DCBLD2: variants seen among roughly 807,000 people sequenced by gnomAD.
DCBLD2 encodes discoidin, CUB and LCCL domain containing 2.
In DCBLD2, 54 loss-of-function variants were observed where a neutral mutation model predicts 86.8. That is an observed-to-expected ratio of 0.62 (90% CI 0.50 to 0.78). DCBLD2 has a LOEUF of 0.78. DCBLD2 is among the 30% of genes least tolerant of loss of function. The pLI is 0.00. For missense variants in DCBLD2, 908 were observed against 954.2 expected (o/e 0.95, Z 0.64); for synonymous variants, 354 against 341.3 (o/e 1.04, Z -0.41).
At chr3:98,812,278 C>T (rs1668962852) in intron 10 of DCBLD2, 54 bp downstream of exon 10, 2 of 1,598,056 alleles carry the variant, frequency 1.3e-6, no homozygotes, top group South Asian at 2.3e-5. Context: ...ACAGCAAAAC[C>T]ATTTTAAATT....
At chr3:98,826,291 TCTTGTGTGTACCTGC>T (rs1468122843) in intron 3 of DCBLD2, among the ~76,000 whole-genome samples, 2 of 152,204 alleles carry the variant, frequency 1.3e-5, no homozygotes, top group Non-Finnish European at 2.9e-5. Context: ...TACTCTGCAG[TCTTGTGTGTACCTGC>T]CTTGGCTTCT....
intron 2 of DCBLD2, among the ~76,000 whole-genome samples, chr3:98,860,162 G>A (rs1022671297): frequency 6.6e-6 from 1 of 152,160 alleles, no homozygotes. Flanking sequence ...AGCCAGAAGA[G>A]AAATTTGGAG....
In DCBLD2 at chr3:98,829,153, ATTAT is replaced by A. The variant is rs199899437; in HGVS notation, c.572-3791_572-3788del. On this transcript the variant is annotated intron_variant, in intron 3 of 15. Transcript: ENST00000326840. ...AATGAATTGTATATACAGATATTTT[ATTAT>A]TTAATTTCAACTTTTATTTTAGATA... Among the ~76,000 whole-genome samples the A allele has an allele frequency of 7.7e-3, 1,173 of 152,262 alleles. 24 individuals carry two copies. Among genetic ancestry groups the A allele is most frequent in the African/African-American group, 0.027 (1,119 of 41,546 alleles).
At chr3:98,843,939 G>T (rs1408569273) in intron 3 of DCBLD2, among the ~76,000 whole-genome samples, 1 of 151,900 alleles carries the variant, frequency 6.6e-6, no homozygotes, top group Admixed American at 6.6e-5. Context: ...TCGAGTTGGT[G>T]AAATCTAAAG....
At chr3:98,839,439 C>T (rs868496748) in intron 3 of DCBLD2, among the ~76,000 whole-genome samples, 2 of 151,998 alleles carry the variant, frequency 1.3e-5, no homozygotes, top group Middle Eastern at 3.2e-3. Context: ...GGCCAACCCC[C>T]CTGAATTGTA....
At chr3:98,835,092 C>T (rs1375396672) in intron 3 of DCBLD2, among the ~76,000 whole-genome samples, 1 of 141,056 alleles carries the variant, frequency 7.1e-6, no homozygotes, top group African/African-American at 2.5e-5. Context: ...CCTGCCTCAG[C>T]CTCCCAGGTA....
chr3:98,854,331 G>A (rs570382472), intron 2 of DCBLD2, among the ~76,000 whole-genome samples: 5 of 152,146 alleles, frequency 3.3e-5, no homozygotes, highest in Admixed American at 2.6e-4. Flanking sequence ...AGAGTGAGGT[G>A]GAGATGTACA....
chr3:98,801,542 C>A, intron 14 of DCBLD2, 58 bp downstream of exon 14: 10 of 1,420,182 alleles, frequency 7.0e-6, no homozygotes, highest in Non-Finnish European at 9.8e-6. Flanking sequence ...ACTACTGCCC[C>A]CTGTAGGGGA....
intron 2 of DCBLD2, among the ~76,000 whole-genome samples, chr3:98,867,721 T>G (rs1943179830): frequency 6.6e-6 from 1 of 151,784 alleles, no homozygotes; most frequent in South Asian, 2.1e-4. Flanking sequence ...GTCATCAGAC[T>G]TCTCAAAAAA....
At chr3:98,838,690 G>C (rs1293535226) in intron 3 of DCBLD2, among the ~76,000 whole-genome samples, 1 of 152,100 alleles carries the variant, frequency 6.6e-6, no homozygotes, top group African/African-American at 2.4e-5. Context: ...GGAGGCCAAG[G>C]CAGGCGGCTG....
chr3:98,831,336 C>T (rs1013615702), intron 3 of DCBLD2, among the ~76,000 whole-genome samples: 1 of 152,022 alleles, frequency 6.6e-6, no homozygotes, highest in Admixed American at 6.6e-5. Flanking sequence ...CAGGCATGAG[C>T]TACCGCTCTT....
At position 98,842,091 on chromosome 3, in the gene DCBLD2, C is replaced by T. The variant is rs9869822; in HGVS notation, c.571+7370G>A. On this transcript the variant is annotated intron_variant, in intron 3 of 15. Transcript: ENST00000326840. ...AAAAAGAAAGCACAGAAGTACTGTT[C>T]CAAAGTTACTGTATTATTTACTAGA... Among the ~76,000 whole-genome samples the T allele has an allele frequency of 6.9e-3, 1,049 of 152,124 alleles. 17 individuals carry two copies. The highest frequency in any genetic ancestry group is 0.024 in the African/African-American group (997 of 41,526).
chr3:98,901,360 G>A lies in DCBLD2; in HGVS notation c.-34C>T, dbSNP rs1173097741. 3.1e-6 allele frequency: 4 copies of A among 1,303,702 alleles called. No individual in the cohort carries two copies. Among genetic ancestry groups the A allele is most frequent in the South Asian group, 2.4e-5 (1 of 41,506 alleles). 80.8% of individuals were successfully genotyped at this position (1,303,702 alleles called of 1,614,324 possible). On this transcript the variant is annotated 5_prime_UTR_variant, in exon 1 of 16. Coordinates refer to ENST00000326840, the MANE Select transcript of DCBLD2 (RefSeq NM_080927.4). The stretch of plus-strand genomic sequence containing the variant: ...CCGGCAGTCTGCCTGCATAGTGCGG[G>A]TGCCTCGGCAGCCCCGCGCGCCTCT...
At chr3:98,811,089 T>C in intron 12 of DCBLD2, 105 bp downstream of exon 12, 1 of 1,325,462 alleles carries the variant, frequency 7.5e-7, no homozygotes, top group Admixed American at 2.9e-5. Flanking sequence ...ACTTAAAAAC[T>C]ATAGTTGGAA....
At chr3:98,844,152 T>A (rs1353455914) in intron 3 of DCBLD2, among the ~76,000 whole-genome samples, 1 of 151,996 alleles carries the variant, frequency 6.6e-6, no homozygotes, top group African/African-American at 2.4e-5. Flanking sequence ...GTTCACTGTT[T>A]TATAACTACA....
intron 2 of DCBLD2, among the ~76,000 whole-genome samples, chr3:98,868,320 T>C (rs576907282): frequency 6.6e-6 from 1 of 152,240 alleles, no homozygotes; most frequent in East Asian, 1.9e-4. Context: ...TATATTTAAT[T>C]ATAGATCTAG....
intron 3 of DCBLD2, among the ~76,000 whole-genome samples, chr3:98,830,930 T>C (rs1282432579): frequency 6.6e-6 from 1 of 152,244 alleles, no homozygotes. Context: ...TGTTTTGTAA[T>C]TCCTGTTGTA....
At chr3:98,862,917 G>C (rs532370244) in intron 2 of DCBLD2, among the ~76,000 whole-genome samples, 4 of 152,310 alleles carry the variant, frequency 2.6e-5, no homozygotes, top group South Asian at 4.1e-4. Flanking sequence ...GTTAGGAAAA[G>C]AGGAAGTCAA....
At position 98,825,432 on chromosome 3, in the gene DCBLD2, T is replaced by C. The variant is rs180833312; in HGVS notation, c.572-66A>G. Reference sequence around the variant, plus strand: ...AGGATTACCTTGCTGAAACTCCAAGTGTCTCAGAATCCCAAACTGTACTAC... The same window carrying C: ...AGGATTACCTTGCTGAAACTCCAAGCGTCTCAGAATCCCAAACTGTACTAC... On this transcript the variant is annotated intron_variant, in intron 3 of 15. Transcript: ENST00000326840. The C allele has an allele frequency of 8.4e-5, 104 of 1,233,196 alleles. No individual in the cohort carries two copies. In the Middle Eastern group the frequency reaches 1.9e-3, roughly 22 times the overall value. 76.4% of individuals were successfully genotyped at this position (1,233,196 alleles called of 1,614,324 possible). A position where few individuals can be genotyped will look rare whatever the true frequency, so the allele number is the denominator to read the frequency against.
Sources: gnomAD v4.1 joint callset for allele counts (sites outside exome capture counted in the v4.1 genomes callset) on GRCh38, gnomAD v4.1.1 for gene constraint, MANE v1.5 for transcripts, NCBI Gene and HGNC (gene_info 2026-07-23, HGNC 2026-07-21) for gene names.